The following ADAM20 variants were observed in gnomAD, a reference collection of about 807,000 sequenced individuals.
ADAM20 encodes ADAM metallopeptidase domain 20.
For synonymous variants in ADAM20, 305 were observed against 310.2 expected (o/e 0.98, Z 0.18); for missense variants, 871 against 883.2 (o/e 0.99, Z 0.18).
chr14:70,542,827 T>C, the ADAM20 span, among the ~76,000 whole-genome samples: 2,607 of 152,056 alleles, frequency 0.017, 71 homozygotes, highest in African/African-American at 0.058. Flanking sequence ...TAATCCCAGC[T>C]ACTTGGGAGA....
At chr14:70,541,223 G>A in the ADAM20 span, among the ~76,000 whole-genome samples, 4 of 152,266 alleles carry the variant, frequency 2.6e-5, no homozygotes, top group South Asian at 8.3e-4. Flanking sequence ...TTTATAAAAG[G>A]CAATTTATGC....
At chr14:70,577,841 A>G in the ADAM20 span, among the ~76,000 whole-genome samples, 6 of 152,300 alleles carry the variant, frequency 3.9e-5, no homozygotes, top group African/African-American at 1.2e-4. Flanking sequence ...CAAAAGAACA[A>G]GCTGGACTCT....
At chr14:70,576,369 A>C in the ADAM20 span, among the ~76,000 whole-genome samples, 1 of 152,172 alleles carries the variant, frequency 6.6e-6, no homozygotes, top group Non-Finnish European at 1.5e-5. Context: ...TTTAGCCTTA[A>C]CTTTAAATTT....
In ADAM20 at chr14:70,523,182, C is replaced by T. The variant is rs150024122; in HGVS notation, c.1576G>A (p.Ala526Thr). 6.2e-7 allele frequency: 1 copy of T among 1,613,920 alleles called. No homozygotes were observed. Among genetic ancestry groups the T allele is most frequent in the Non-Finnish European group, 8.5e-7 (1 of 1,179,932 alleles). The change falls in exon 2 of 2, where the codon GCA (alanine) becomes ACA (threonine). Residue 526 changes from alanine to threonine, a missense_variant. Transcript: ENST00000256389. ...KEIFGQDARSASQSCYQEINT... is the reference protein window; with the variant it reads ...KEIFGQDARSTSQSCYQEINT... ...ATTTCTTGGTAGCAACTCTGAGATGCACTCCTTGCATCTTGGCCAAAAATC... is the reference window on the plus strand; with the variant it reads ...ATTTCTTGGTAGCAACTCTGAGATGTACTCCTTGCATCTTGGCCAAAAATC...
intron 1 of ADAM20, among the ~76,000 whole-genome samples, chr14:70,529,194 C>T (rs1883656450): frequency 1.3e-5 from 2 of 152,222 alleles, no homozygotes; most frequent in East Asian, 1.9e-4. Context: ...ACCTAACAAA[C>T]ACACACAGAA....
chr14:70,538,169 C>T (rs897060718), upstream of ADAM20, among the ~76,000 whole-genome samples: 1 of 152,094 alleles, frequency 6.6e-6, no homozygotes, highest in African/African-American at 2.4e-5. Context: ...CCCTCAGCCC[C>T]AAATCCCACT....
chr14:70,570,940 C>T, the ADAM20 span, among the ~76,000 whole-genome samples: 1 of 152,070 alleles, frequency 6.6e-6, no homozygotes, highest in Non-Finnish European at 1.5e-5. Context: ...TTCTGGGAAA[C>T]AAGGATCATT....
At chr14:70,568,783 C>G in the ADAM20 span, among the ~76,000 whole-genome samples, 43 of 152,182 alleles carry the variant, frequency 2.8e-4, no homozygotes, top group African/African-American at 1.0e-3. Context: ...AATTTCAGAA[C>G]TTGAAGGCTG....
intron 1 of ADAM20, among the ~76,000 whole-genome samples, chr14:70,526,524 G>C (rs1883594564): frequency 2.0e-5 from 3 of 152,144 alleles, no homozygotes; most frequent in Non-Finnish European, 4.4e-5. Context: ...GATGGAAATG[G>C]GTGAATTGAG....
At chr14:70,535,644 C>T (rs1232241591), upstream of ADAM20, among the ~76,000 whole-genome samples, 1 of 152,170 alleles carries the variant, frequency 6.6e-6, no homozygotes, top group Non-Finnish European at 1.5e-5. Flanking sequence ...CCTACCACCC[C>T]TTATTGGCTC....
intron 1 of ADAM20, among the ~76,000 whole-genome samples, chr14:70,526,266 T>A (rs997490565): frequency 2.2e-4 from 34 of 152,210 alleles, no homozygotes; most frequent in African/African-American, 8.2e-4. Context: ...GTGGCCTCAA[T>A]ATTCTAAGAG....
the ADAM20 span, among the ~76,000 whole-genome samples, chr14:70,560,349 T>C: frequency 6.6e-6 from 1 of 152,168 alleles, no homozygotes; most frequent in African/African-American, 2.4e-5. Flanking sequence ...TCCAGGCACA[T>C]GGCTGAATAA....
chr14:70,562,777 C>CT, the ADAM20 span, among the ~76,000 whole-genome samples: 3 of 152,162 alleles, frequency 2.0e-5, no homozygotes, highest in Non-Finnish European at 2.9e-5. Context: ...CTGAGGCCTC[C>CT]TAGTCATGCT....
At chr14:70,539,267 T>C (rs1228317221), upstream of ADAM20, among the ~76,000 whole-genome samples, 2 of 152,068 alleles carry the variant, frequency 1.3e-5, no homozygotes, top group African/African-American at 4.8e-5. Context: ...CAATGCCAGG[T>C]TGGTCTGCCA....
Position 70,522,916 on chromosome 14 carries a change from A to C in ADAM20, c.1842T>G (p.Cys614Trp), listed in dbSNP as rs746869829. 26 of 1,613,960 alleles carry C rather than the reference A, an allele frequency of 1.6e-5. No individual in the cohort carries two copies. In the Admixed American group the frequency reaches 2.7e-4, roughly 17 times the overall value. Residue 614 changes from cysteine (C) to tryptophan (W), a missense_variant, in exon 2 of 2, where the codon TGT becomes TGG. By Grantham distance (215) the Cys-to-Trp change is radical. Coordinates refer to ENST00000256389, the MANE Select transcript of ADAM20 (RefSeq NM_003814.5). Reference protein sequence around the residue: ...DIGEVKDGTVCGPEKICIRKK... With the variant: ...DIGEVKDGTVWGPEKICIRKK... ...TACGGATGCAGATCTTTTCTGGACC[A>C]CATACTGTGCCATCTTTCACCTCAC...
At chr14:70,567,408 G>A in the ADAM20 span, among the ~76,000 whole-genome samples, 3 of 152,150 alleles carry the variant, frequency 2.0e-5, no homozygotes, top group Admixed American at 2.0e-4. Flanking sequence ...AGTCCCCTTA[G>A]GACAAAGGGA....
the ADAM20 span, among the ~76,000 whole-genome samples, chr14:70,565,144 CAA>C: frequency 4.0e-5 from 6 of 150,118 alleles, no homozygotes; most frequent in East Asian, 1.2e-3. Context: ...TAAAAAATCG[CAA>C]GAGAGGTTCA....
rs1028787069 is a variant in ADAM20, at chr14:70,534,973, G to A, written c.-353C>T. Reference sequence around the variant, plus strand: ...AAAGATAAAATGGGAATCTGAGATTGATGTGGGCATGACCCTAGTCTTAAA... The same window carrying A: ...AAAGATAAAATGGGAATCTGAGATTAATGTGGGCATGACCCTAGTCTTAAA... On this transcript the variant is annotated 5_prime_UTR_variant, in exon 1 of 2. Coordinates refer to ENST00000256389, the MANE Select transcript of ADAM20 (RefSeq NM_003814.5). 6 of 152,336 alleles carry A rather than the reference G, an allele frequency of 3.9e-5. No homozygotes were observed. The South Asian group carries it at 6.2e-4, about 16-fold the overall frequency. 9.4% of individuals were successfully genotyped at this position (152,336 alleles called of 1,614,324 possible).
At chr14:70,538,715 G>C (rs1883886344), upstream of ADAM20, among the ~76,000 whole-genome samples, 1 of 152,160 alleles carries the variant, frequency 6.6e-6, no homozygotes, top group Admixed American at 6.5e-5. Flanking sequence ...TGGAATTAGA[G>C]GTGGATAAGT....
Sources: gnomAD v4.1 joint callset for allele counts (sites outside exome capture counted in the v4.1 genomes callset) on GRCh38, gnomAD v4.1.1 for gene constraint, MANE v1.5 for transcripts, NCBI Gene and HGNC (gene_info 2026-07-23, HGNC 2026-07-21) for gene names.